ATP8A2: variants seen among roughly 807,000 people sequenced by gnomAD.
ATP8A2 encodes the protein phospholipid-transporting ATPase IB.
Under a neutral mutation model 165.6 loss-of-function variants are expected in ATP8A2, and 100 were observed. That is an observed-to-expected ratio of 0.60 (90% confidence interval 0.51 to 0.71). The LOEUF is 0.71. Ranked by LOEUF, ATP8A2 falls within the 30% of genes least tolerant of loss-of-function variation. The pLI is 0.00. For missense variants in ATP8A2, 1,227 were observed against 1,479.5 expected, an observed-to-expected ratio of 0.83 and a Z score of 2.80; for synonymous variants, 543 against 548.8, an observed-to-expected ratio of 0.99 and a Z score of 0.15.
At chr13:25,626,635 A>C (rs1215327206) in intron 24 of ATP8A2, among the ~76,000 whole-genome samples, 1 of 152,202 alleles carries the variant, frequency 6.6e-6, no homozygotes, top group African/African-American at 2.4e-5. Context: ...AGTACATTGA[A>C]AGATAAGTAA....
chr13:25,607,239 A>T lies in ATP8A2; in HGVS notation c.2211+17540A>T, dbSNP rs112275164. Among the ~76,000 whole-genome samples the T allele has an allele frequency of 5.3e-3, 804 of 152,310 alleles. 9 individuals are homozygous for T. The highest frequency in any genetic ancestry group is 0.021 in the South Asian group (99 of 4,822). ...CAAAACGGGTCCCTGGTGCCAAAAC[A>T]GTTGGGGACTGCTGCCCTAGGACAA... On this transcript the variant is annotated intron_variant, in intron 24 of 36. Coordinates refer to ENST00000381655, the MANE Select transcript of ATP8A2 (RefSeq NM_016529.6).
At chr13:25,962,090 A>C (rs1387451293) in intron 34 of ATP8A2, among the ~76,000 whole-genome samples, 1 of 152,192 alleles carries the variant, frequency 6.6e-6, no homozygotes, top group Non-Finnish European at 1.5e-5. Flanking sequence ...AGAAACTATG[A>C]AGATCAATAG....
At chr13:25,742,914 G>C (rs547655732) in intron 25 of ATP8A2, among the ~76,000 whole-genome samples, 10 of 151,990 alleles carry the variant, frequency 6.6e-5, no homozygotes, top group Admixed American at 6.6e-4. Flanking sequence ...AGCCCTTTCT[G>C]GGGGAGCCAG....
At chr13:25,613,229 C>A (rs1483304083) in intron 24 of ATP8A2, among the ~76,000 whole-genome samples, 1 of 152,154 alleles carries the variant, frequency 6.6e-6, no homozygotes. Flanking sequence ...GAGATTCAGG[C>A]TTTAAGGAGG....
chr13:25,961,639 T>G lies in ATP8A2; in HGVS notation c.3248T>G (p.Leu1083Trp). Residue 1083 changes from leucine (L) to tryptophan (W), a missense_variant, in exon 34 of 37, where the codon TTG becomes TGG. Transcript: ENST00000381655. Reference sequence around the variant, plus strand: ...TTATTTCTGGTTCCTACTGCCTGTTTGATTGAAGATGTGGCATGGAGAGCG... The same window carrying G: ...TTATTTCTGGTTCCTACTGCCTGTTGGATTGAAGATGTGGCATGGAGAGCG... ...LGLFLVPTAC[L>W]IEDVAWRAAK... 6.2e-7 allele frequency: 1 copy of G among 1,613,900 alleles called. No homozygotes were observed.
chr13:25,858,665 G>A (rs1420447547), intron 30 of ATP8A2, among the ~76,000 whole-genome samples: 1 of 152,114 alleles, frequency 6.6e-6, no homozygotes, highest in Non-Finnish European at 1.5e-5. Flanking sequence ...CAAGCATTGG[G>A]AAAATCTGCG....
At chr13:25,590,597 A>G (rs2040044758) in intron 24 of ATP8A2, among the ~76,000 whole-genome samples, 1 of 152,166 alleles carries the variant, frequency 6.6e-6, no homozygotes, top group African/African-American at 2.4e-5. Context: ...TGATATGAAA[A>G]TATGAGCTGA....
intron 2 of ATP8A2, among the ~76,000 whole-genome samples, chr13:25,520,849 C>T (rs773255786): frequency 3.9e-5 from 6 of 152,176 alleles, no homozygotes; most frequent in Admixed American, 6.5e-5. Flanking sequence ...TTCCTGACCT[C>T]GTGGTCTGCC....
intron 24 of ATP8A2, among the ~76,000 whole-genome samples, chr13:25,672,931 TG>T (rs773394112): frequency 6.6e-6 from 1 of 152,092 alleles, no homozygotes; most frequent in East Asian, 1.9e-4. Flanking sequence ...TTGGAGACTT[TG>T]GGAGACATGA....
At chr13:25,602,819 C>T (rs2040422116) in intron 24 of ATP8A2, among the ~76,000 whole-genome samples, 1 of 152,184 alleles carries the variant, frequency 6.6e-6, no homozygotes, top group Non-Finnish European at 1.5e-5. Context: ...TGCCTGTAAT[C>T]CCAGCACTTT....
Position 25,461,984 on chromosome 13 carries a change from G to A in ATP8A2, c.77-6993G>A, listed in dbSNP as rs181890604. Among the ~76,000 whole-genome samples, 159 of 152,172 alleles carry A rather than the reference G, an allele frequency of 1.0e-3. 3 individuals carry two copies. The highest frequency in any genetic ancestry group is 3.3e-3 in the African/African-American group (136 of 41,520). ...TTGCCAACCCTTGATTTATGTAATC[G>A]ATTTCTATTTTGCAGATAAGGAAAC... On this transcript the variant is annotated intron_variant, in intron 1 of 36. Coordinates refer to ENST00000381655, the MANE Select transcript of ATP8A2 (RefSeq NM_016529.6).
Position 25,479,462 on chromosome 13 carries a change from C to T in ATP8A2, c.221+10341C>T, listed in dbSNP as rs1015653097. On this transcript the variant is annotated intron_variant, in intron 2 of 36. Coordinates refer to ENST00000381655, the MANE Select transcript of ATP8A2 (RefSeq NM_016529.6). ...TTGCATTATTAATAAGTATAATTTCCAATTTGTGGTTTTGTTGTATGATTC... is the reference window on the plus strand; with the variant it reads ...TTGCATTATTAATAAGTATAATTTCTAATTTGTGGTTTTGTTGTATGATTC... Among the ~76,000 whole-genome samples the T allele has an allele frequency of 2.0e-5, 3 of 151,888 alleles. No individual in the cohort carries two copies. The South Asian group carries it at 6.2e-4, about 32-fold the overall frequency.
intron 33 of ATP8A2, among the ~76,000 whole-genome samples, chr13:25,943,473 G>T (rs949942212): frequency 6.6e-6 from 1 of 152,064 alleles, no homozygotes; most frequent in Non-Finnish European, 1.5e-5. Context: ...TTCAGTACAG[G>T]AACATGCTGT....
chr13:25,837,945 A>AGACATAG (rs1951661046), intron 29 of ATP8A2, among the ~76,000 whole-genome samples: 1 of 152,236 alleles, frequency 6.6e-6, no homozygotes, highest in Admixed American at 6.5e-5. Context: ...TCTGCCACAC[A>AGACATAG]GATGTCATTT....
chr13:25,425,787 A>C (rs2034433056), intron 1 of ATP8A2, among the ~76,000 whole-genome samples: 1 of 152,172 alleles, frequency 6.6e-6, no homozygotes, highest in Non-Finnish European at 1.5e-5. Context: ...TGTGTTAGCC[A>C]GGATGGTCTC....
intron 1 of ATP8A2, among the ~76,000 whole-genome samples, chr13:25,461,197 G>A (rs573352919): frequency 5.5e-4 from 84 of 152,360 alleles, no homozygotes; most frequent in African/African-American, 2.0e-3. Flanking sequence ...TTCTTGGGTA[G>A]AAGTGGATTG....
At chr13:25,711,562 AT>A (rs11427735) in intron 25 of ATP8A2, among the ~76,000 whole-genome samples, 1 of 151,560 alleles carries the variant, frequency 6.6e-6, no homozygotes, top group African/African-American at 2.4e-5. Context: ...AAAAAAAAAA[AT>A]TTTTTTTAAA....
At chr13:25,923,386 C>T (rs1282404451) in intron 33 of ATP8A2, among the ~76,000 whole-genome samples, 1 of 152,248 alleles carries the variant, frequency 6.6e-6, no homozygotes, top group Admixed American at 6.5e-5. Flanking sequence ...CTGCAGTCCA[C>T]AGCTGTAGAG....
intron 2 of ATP8A2, among the ~76,000 whole-genome samples, chr13:25,475,565 C>T (rs1335893111): frequency 2.0e-5 from 3 of 152,146 alleles, no homozygotes; most frequent in Non-Finnish European, 2.9e-5. Context: ...AGTGGTAGTT[C>T]GGTTATTAGC....
Sources: allele counts gnomAD v4.1 joint callset (sites outside exome capture counted in the v4.1 genomes callset), GRCh38; gene constraint gnomAD v4.1.1; transcripts MANE v1.5; gene names NCBI Gene and HGNC (gene_info 2026-07-23, HGNC 2026-07-21).